LRMDA: variants seen among roughly 807,000 people sequenced by gnomAD.
LRMDA encodes leucine rich melanocyte differentiation associated.
Under a neutral mutation model 29.8 loss-of-function variants are expected in LRMDA, and 18 were observed. The ratio of observed to expected loss-of-function variants is 0.60; its 90% CI spans 0.42 to 0.90. LRMDA has a LOEUF of 0.90. Among genes scored for constraint, LRMDA ranks in the 40% least tolerant of loss-of-function variants. LRMDA has a pLI of 0.00. For missense variants in LRMDA, 273 were observed against 273.9 expected (o/e 1.00, Z 0.02); for synonymous variants, 125 against 109.4 (o/e 1.14, Z -0.89).
intron 6 of LRMDA, among the ~76,000 whole-genome samples, chr10:76,346,053 A>G (rs1453114490): frequency 6.6e-6 from 1 of 152,232 alleles, no homozygotes; most frequent in African/African-American, 2.4e-5. Flanking sequence ...TTTATTTAAG[A>G]GTACAGTGCT....
At chr10:76,138,242 C>G (rs1440563672) in intron 5 of LRMDA, among the ~76,000 whole-genome samples, 1 of 152,112 alleles carries the variant, frequency 6.6e-6, no homozygotes, top group East Asian at 1.9e-4. Flanking sequence ...AAAACAGATT[C>G]CTGGGTCCAA....
intron 3 of LRMDA, among the ~76,000 whole-genome samples, chr10:76,041,884 T>G (rs1203125417): frequency 6.6e-6 from 1 of 152,200 alleles, no homozygotes; most frequent in Non-Finnish European, 1.5e-5. Flanking sequence ...TGGAGAGAGT[T>G]GAAACTGTGC....
chr10:75,497,441 A>G (rs1227857181), intron 2 of LRMDA, among the ~76,000 whole-genome samples: 2 of 151,824 alleles, frequency 1.3e-5, no homozygotes, highest in Admixed American at 6.6e-5. Flanking sequence ...CAGCATGCCT[A>G]TCATTTTCTA....
intron 2 of LRMDA, among the ~76,000 whole-genome samples, chr10:75,677,842 T>A (rs549647705): frequency 6.6e-6 from 1 of 152,138 alleles, no homozygotes; most frequent in African/African-American, 2.4e-5. Flanking sequence ...GAGAAGTCAT[T>A]TTGTTGGTAG....
At chr10:76,170,204 G>A (rs1162128870) in intron 5 of LRMDA, among the ~76,000 whole-genome samples, 1 of 152,124 alleles carries the variant, frequency 6.6e-6, no homozygotes, top group Non-Finnish European at 1.5e-5. Context: ...TAAACTGGCC[G>A]CTCAATGTGT....
At chr10:76,382,876 T>C (rs1332235484) in intron 6 of LRMDA, among the ~76,000 whole-genome samples, 1 of 152,186 alleles carries the variant, frequency 6.6e-6, no homozygotes, top group Non-Finnish European at 1.5e-5. Flanking sequence ...TACCTCACTT[T>C]TCTGATCACT....
chr10:75,530,798 A>G (rs1845468455), intron 2 of LRMDA, among the ~76,000 whole-genome samples: 1 of 152,048 alleles, frequency 6.6e-6, no homozygotes, highest in South Asian at 2.1e-4. Flanking sequence ...AGTGGAACCT[A>G]AAGGTGGGCT....
At chr10:75,445,807 G>A (rs904142100) in intron 2 of LRMDA, among the ~76,000 whole-genome samples, 1 of 152,230 alleles carries the variant, frequency 6.6e-6, no homozygotes, top group Non-Finnish European at 1.5e-5. Context: ...CAATAAAAGC[G>A]AGAGGGTTTA....
chr10:75,896,665 T>C (rs1294668572), intron 2 of LRMDA, among the ~76,000 whole-genome samples: 1 of 152,152 alleles, frequency 6.6e-6, no homozygotes, highest in Non-Finnish European at 1.5e-5. Context: ...TGATCACACA[T>C]AAAGGGCACA....
intron 5 of LRMDA, among the ~76,000 whole-genome samples, chr10:76,201,598 A>G (rs1851432634): frequency 6.6e-6 from 1 of 152,140 alleles, no homozygotes; most frequent in African/African-American, 2.4e-5. Context: ...AGAGCCTATT[A>G]TGTTGCATCT....
At chr10:76,459,002 A>G (rs1234391234) in intron 6 of LRMDA, among the ~76,000 whole-genome samples, 7 of 152,156 alleles carry the variant, frequency 4.6e-5, no homozygotes, top group Non-Finnish European at 1.0e-4. Context: ...GGTTTTTCTC[A>G]AGCGTCTACT....
chr10:75,609,758 C>T (rs184662002), intron 2 of LRMDA, among the ~76,000 whole-genome samples: 9 of 152,238 alleles, frequency 5.9e-5, no homozygotes, highest in Middle Eastern at 3.4e-3. Flanking sequence ...AACCAGGCTG[C>T]GATATGCGTG....
chr10:76,499,686 A>C (rs1842898359), intron 6 of LRMDA, among the ~76,000 whole-genome samples: 1 of 74,478 alleles, frequency 1.3e-5, no homozygotes, highest in African/African-American at 3.3e-5. Context: ...CTATTATCTC[A>C]TCTAAAGACC....
intron 2 of LRMDA, among the ~76,000 whole-genome samples, chr10:75,653,363 G>A (rs1841623487): frequency 6.6e-6 from 1 of 152,134 alleles, no homozygotes; most frequent in Admixed American, 6.5e-5. Context: ...TGATGGGTGA[G>A]GGTCTGGTCT....
At chr10:75,471,504 C>G (rs1439852087) in intron 2 of LRMDA, among the ~76,000 whole-genome samples, 2 of 152,198 alleles carry the variant, frequency 1.3e-5, no homozygotes, top group Admixed American at 1.3e-4. Flanking sequence ...CCTACAGCTC[C>G]TAAGTAGTGG....
intron 2 of LRMDA, among the ~76,000 whole-genome samples, chr10:75,940,396 C>T (rs1846369377): frequency 6.6e-6 from 1 of 152,126 alleles, no homozygotes; most frequent in Non-Finnish European, 1.5e-5. Flanking sequence ...GTTGCTCTCA[C>T]ACTGTTCTGA....
rs374098959 is a variant in LRMDA at position 75,580,966 on chromosome 10, G to A, written c.131+142472G>A. Among the ~76,000 whole-genome samples the A allele has an allele frequency of 3.9e-4, 60 of 152,144 alleles. 1 individual carries two copies. The highest frequency in any genetic ancestry group is 6.8e-3 in the Middle Eastern group (2 of 294). Reference sequence around the variant, plus strand: ...CATAAGACCTAAAACCATAAAAACCGTGGAAGCAAACCTAGGCAATACCAT... The same window carrying A: ...CATAAGACCTAAAACCATAAAAACCATGGAAGCAAACCTAGGCAATACCAT... On this transcript the variant is annotated intron_variant, in intron 2 of 6. Transcript: ENST00000611255.
chr10:76,132,256 G>A (rs532413928), intron 5 of LRMDA, among the ~76,000 whole-genome samples: 1 of 152,258 alleles, frequency 6.6e-6, no homozygotes, highest in African/African-American at 2.4e-5. Flanking sequence ...CCAAGAAGCA[G>A]GAAGGCAGGG....
chr10:76,191,266 CTCTT>C (rs915172792), intron 5 of LRMDA, among the ~76,000 whole-genome samples: 1 of 152,178 alleles, frequency 6.6e-6, no homozygotes, highest in Non-Finnish European at 1.5e-5. Context: ...TGCACTATGT[CTCTT>C]TCTATTTAAA....
Sources: allele counts gnomAD v4.1 joint callset (sites outside exome capture counted in the v4.1 genomes callset), GRCh38; gene constraint gnomAD v4.1.1; transcripts MANE v1.5; gene names NCBI Gene and HGNC (gene_info 2026-07-23, HGNC 2026-07-21).